Variants in AAK1 observed in about 807,000 individuals in gnomAD.
AAK1 encodes AP2 associated kinase 1.
Under a neutral mutation model 116.0 loss-of-function variants are expected in AAK1, and 37 were observed. That is an observed-to-expected ratio of 0.32 (90% CI 0.25 to 0.42). The LOEUF is 0.42. Ranked by LOEUF, AAK1 falls within the 10% of genes least tolerant of loss-of-function variation. AAK1 has a pLI of 1.00. For synonymous variants in AAK1, 458 were observed against 439.9 expected (o/e 1.04, Z -0.51); for missense variants, 919 against 1,170.6 (o/e 0.79, Z 3.14).
At chr2:69,535,119 C>T (rs1309185063) in intron 5 of AAK1, among the ~76,000 whole-genome samples, 1 of 152,210 alleles carries the variant, frequency 6.6e-6, no homozygotes, top group African/African-American at 2.4e-5. Context: ...TAAAACCATG[C>T]TTCTCCTATT....
chr2:69,546,742 C>A (rs759397237), intron 3 of AAK1, among the ~76,000 whole-genome samples: 19 of 152,118 alleles, frequency 1.2e-4, no homozygotes, highest in Non-Finnish European at 2.8e-4. Context: ...AGAGGTGGGG[C>A]CTTTAGGAGG....
At chr2:69,476,096 G>A in intron 21 of AAK1, 133 bp from the exon 22 acceptor site, 2 of 1,446,714 alleles carry the variant, frequency 1.4e-6, no homozygotes, top group South Asian at 2.9e-5. Flanking sequence ...CCAAACCCTA[G>A]AGAAGCAATA....
rs1415592743 is a variant in AAK1 at position 69,643,642 on chromosome 2, C to G, written c.-302G>C. 1.7e-5 allele frequency: 21 copies of G among 1,227,684 alleles called. No homozygotes were observed. The highest frequency in any genetic ancestry group is 2.0e-5 in the Non-Finnish European group (20 of 985,484). The allele number at this position is 1,227,684 out of a possible 1,614,324, so 76.0% of individuals were successfully genotyped here. A position where few individuals can be genotyped will look rare whatever the true frequency, so the allele number is the denominator to read the frequency against. On this transcript the variant is annotated 5_prime_UTR_variant, in exon 1 of 22. Transcript: ENST00000409085. ...ACATTGTCACGGCCGCCGGGCCGGC[C>G]TGCGACGCAGAGAAGAGGCGGCGCT...
Position 69,473,499 on chromosome 2 carries a change from T to C in AAK1, c.*2370A>G. The C allele has an allele frequency of 1.0e-6, 1 of 985,482 alleles. No homozygotes were observed. Among genetic ancestry groups the C allele is most frequent in the Non-Finnish European group, 1.2e-6 (1 of 829,932 alleles). The allele number at this position is 985,482 out of a possible 1,614,324, so 61.0% of individuals were successfully genotyped here. A position where few individuals can be genotyped will look rare whatever the true frequency, so the allele number is the denominator to read the frequency against. On this transcript the variant is annotated 3_prime_UTR_variant, in exon 22 of 22. Coordinates refer to ENST00000409085, the MANE Select transcript of AAK1 (RefSeq NM_014911.5). ...CTCTAAATAAGCCCAAGACAATTTC[T>C]TGTCATTATCTCCCTTAGGCTTCTA...
At chr2:69,603,970 G>C (rs540186170) in intron 2 of AAK1, among the ~76,000 whole-genome samples, 344 of 152,258 alleles carry the variant, frequency 2.3e-3, no homozygotes, top group Non-Finnish European at 3.5e-3. Flanking sequence ...AAGAGATATA[G>C]AATCCAAGAG....
rs770419639 is a variant in AAK1, at chr2:69,475,822, T to C, written c.*47A>G. The C allele has an allele frequency of 4.5e-6, 7 of 1,558,640 alleles. No individual in the cohort carries two copies. The Admixed American group carries it at 1.2e-4, about 26-fold the overall frequency. On this transcript the variant is annotated 3_prime_UTR_variant, in exon 22 of 22. Transcript: ENST00000409085. ...TTCATAACTCCGTAATGAAAATGTA[T>C]TTTACGGTATGAAGGTTACAGAACT...
intron 2 of AAK1, among the ~76,000 whole-genome samples, chr2:69,640,014 AACACAC>A (rs376034914): frequency 0.013 from 1,371 of 103,646 alleles, 23 homozygotes; most frequent in African/African-American, 0.047. Flanking sequence ...ACTCCCCTTT[AACACAC>A]ACACACACAC....
chr2:69,520,358 C>CTTTTTTT (rs71397334), intron 11 of AAK1, among the ~76,000 whole-genome samples: 3 of 127,420 alleles, frequency 2.4e-5, no homozygotes, highest in Non-Finnish European at 3.3e-5. Context: ...CAATTCTTTT[C>CTTTTTTT]TTTTTTTTTT....
intron 2 of AAK1, chr2:69,594,781 C>T: frequency 9.2e-7 from 1 of 1,083,628 alleles, no homozygotes; most frequent in Non-Finnish European, 1.4e-6. Flanking sequence ...CTTACCTCCT[C>T]CCAGTTCAGA....
At chr2:69,509,094 A>T (rs1676294815) in intron 14 of AAK1, 137 bp downstream of exon 14, 1 of 715,924 alleles carries the variant, frequency 1.4e-6, no homozygotes, top group Admixed American at 3.0e-5. Context: ...CAAACCAGAA[A>T]AATAAACAAA....
intron 2 of AAK1, among the ~76,000 whole-genome samples, chr2:69,586,575 T>C (rs764108468): frequency 5.3e-5 from 8 of 152,210 alleles, no homozygotes; most frequent in Non-Finnish European, 1.0e-4. Flanking sequence ...TATTTTTCTT[T>C]GCATTGTCTG....
chr2:69,600,654 T>A (rs952126582), intron 2 of AAK1, among the ~76,000 whole-genome samples: 1 of 152,200 alleles, frequency 6.6e-6, no homozygotes, highest in Non-Finnish European at 1.5e-5. Flanking sequence ...GCTGTGAACA[T>A]TGTTGAAATG....
At chr2:69,622,461 C>T (rs920050108) in intron 2 of AAK1, among the ~76,000 whole-genome samples, 3 of 152,266 alleles carry the variant, frequency 2.0e-5, no homozygotes, top group South Asian at 4.1e-4. Context: ...GCTCCACCTG[C>T]GGCCCTGGTG....
chr2:69,609,981 C>T (rs769802529), intron 2 of AAK1, among the ~76,000 whole-genome samples: 3 of 132,844 alleles, frequency 2.3e-5, no homozygotes, highest in Admixed American at 8.2e-5. Flanking sequence ...ACCCGGGAGG[C>T]GGAGCTTTGC....
chr2:69,484,100 A>C (rs1391341985), intron 17 of AAK1, among the ~76,000 whole-genome samples: 3 of 152,228 alleles, frequency 2.0e-5, no homozygotes, highest in Admixed American at 6.5e-5. Context: ...GTTCTTTTAA[A>C]CCATGGAAAT....
intron 2 of AAK1, among the ~76,000 whole-genome samples, chr2:69,626,439 A>G (rs1392881839): frequency 6.6e-6 from 1 of 151,618 alleles, no homozygotes; most frequent in African/African-American, 2.4e-5. Context: ...GACGTCTGTA[A>G]TGAGTTAACA....
intron 2 of AAK1, among the ~76,000 whole-genome samples, chr2:69,618,251 T>C (rs907254822): frequency 6.6e-6 from 1 of 151,616 alleles, no homozygotes; most frequent in Non-Finnish European, 1.5e-5. Context: ...TAAATAAATA[T>C]ATAATATTCA....
chr2:69,531,269 A>T (rs185363559), intron 6 of AAK1, among the ~76,000 whole-genome samples: 1 of 152,342 alleles, frequency 6.6e-6, no homozygotes, highest in Non-Finnish European at 1.5e-5. Flanking sequence ...GGTGTTACCA[A>T]GCATGTGATT....
intron 5 of AAK1, among the ~76,000 whole-genome samples, chr2:69,537,863 C>T (rs945692842): frequency 2.6e-5 from 4 of 152,182 alleles, no homozygotes; most frequent in Non-Finnish European, 4.4e-5. Flanking sequence ...AAAACAACAG[C>T]GACCAGGACT....
Sources: allele counts gnomAD v4.1 joint callset (sites outside exome capture counted in the v4.1 genomes callset), GRCh38; gene constraint gnomAD v4.1.1; transcripts MANE v1.5; gene names NCBI Gene and HGNC (gene_info 2026-07-23, HGNC 2026-07-21).